PPP1R14C: variants seen among roughly 807,000 people sequenced by gnomAD.
PPP1R14C encodes protein phosphatase 1 regulatory inhibitor subunit 14C, also known as protein phosphatase 1 regulatory subunit 14C.
Under a neutral mutation model 20.4 loss-of-function variants are expected in PPP1R14C, and 16 were observed. That is an observed-to-expected ratio of 0.78 (90% CI 0.53 to 1.19). The LOEUF (loss-of-function observed/expected upper bound fraction) is 1.19. Ranked by LOEUF, PPP1R14C falls within the 50% of genes most tolerant of loss-of-function variation. The probability of loss-of-function intolerance (pLI) is 0.00; values close to 1 mark genes in which losing one functional copy is unlikely to be tolerated. For missense variants in PPP1R14C, 211 were observed against 220.1 expected (o/e 0.96, Z 0.26); for synonymous variants, 91 against 91.0 (o/e 1.00, Z 0.00).
At chr6:150,220,202 C>A (rs1381925359) in intron 3 of PPP1R14C, among the ~76,000 whole-genome samples, 1 of 152,180 alleles carries the variant, frequency 6.6e-6, no homozygotes, top group Non-Finnish European at 1.5e-5. Flanking sequence ...GACCAAGTTG[C>A]AAGCCAGATT....
In PPP1R14C at chr6:150,248,773, A is replaced by G; in HGVS notation, c.451A>G (p.Ile151Val). 2 of 1,613,272 alleles carry G rather than the reference A, an allele frequency of 1.2e-6. No individual in the cohort carries two copies. Among genetic ancestry groups the G allele is most frequent in the Non-Finnish European group, 1.7e-6 (2 of 1,179,272 alleles). The change falls in exon 4 of 4, where the codon ATA becomes GTA. Residue 151 changes from isoleucine (I) to valine (V), a missense_variant. Coordinates refer to ENST00000361131, the MANE Select transcript of PPP1R14C (RefSeq NM_030949.3). ...EEFIKELLSR[I>V]RGMRKLSPPQ... ...ATTTATCAAAGAGCTGCTTTCTCGG[A>G]TAAGAGGCATGAGGAAACTGAGCCC...
At chr6:150,195,301 C>T (rs1777790171) in intron 1 of PPP1R14C, 1 of 364,358 alleles carries the variant, frequency 2.7e-6, no homozygotes. Context: ...AGTTCCTGCC[C>T]TCAAGGAGCT....
At position 150,214,802 on chromosome 6, in the gene PPP1R14C, A is replaced by G; in HGVS notation, c.365A>G (p.Asp122Gly). ...DIDDLLDADS[D>G]EERASKLQEA... Reference sequence around the variant, plus strand: ...GATGATCTTCTTGATGCAGACAGTGATGAAGAGAGAGCTTCAAAATTACAG... The same window carrying G: ...GATGATCTTCTTGATGCAGACAGTGGTGAAGAGAGAGCTTCAAAATTACAG... Residue 122 changes from aspartate to glycine, a missense_variant, in exon 2 of 4, where the codon GAT (aspartate) becomes GGT (glycine). Transcript: ENST00000361131. 2 of 1,612,102 alleles carry G rather than the reference A, an allele frequency of 1.2e-6. No homozygotes were observed. The highest frequency in any genetic ancestry group is 1.7e-6 in the Non-Finnish European group (2 of 1,179,212).
chr6:150,227,705 T>C (rs183071848), intron 3 of PPP1R14C, among the ~76,000 whole-genome samples: 1 of 151,716 alleles, frequency 6.6e-6, no homozygotes, highest in African/African-American at 2.4e-5. Flanking sequence ...CTTTAAAAAG[T>C]TGTCACGTTT....
At chr6:150,200,248 C>T (rs977814889) in intron 1 of PPP1R14C, among the ~76,000 whole-genome samples, 23 of 145,920 alleles carry the variant, frequency 1.6e-4, no homozygotes, top group African/African-American at 5.8e-4. Flanking sequence ...ACACACATAC[C>T]TGTAGGATGT....
intron 1 of PPP1R14C, among the ~76,000 whole-genome samples, chr6:150,149,462 T>C (rs1020538037): frequency 5.9e-5 from 6 of 102,096 alleles, no homozygotes; most frequent in Non-Finnish European, 1.0e-4. Context: ...TTTCTTTTTT[T>C]TTTTTTTTTT....
chr6:150,234,485 C>A (rs571032948), intron 3 of PPP1R14C, among the ~76,000 whole-genome samples: 1 of 152,292 alleles, frequency 6.6e-6, no homozygotes, highest in East Asian at 1.9e-4. Flanking sequence ...GAACCCCAAA[C>A]ATTTATCAGC....
At chr6:150,195,444 C>T (rs1777792343) in intron 1 of PPP1R14C, among the ~76,000 whole-genome samples, 1 of 152,156 alleles carries the variant, frequency 6.6e-6, no homozygotes, top group African/African-American at 2.4e-5. Flanking sequence ...GCCTCCTGGG[C>T]TCAAGCTATC....
chr6:150,180,252 G>A (rs992121805), intron 1 of PPP1R14C, among the ~76,000 whole-genome samples: 3 of 152,202 alleles, frequency 2.0e-5, no homozygotes, highest in Non-Finnish European at 4.4e-5. Context: ...ATGCAGTCAA[G>A]CATTAGCATA....
chr6:150,166,181 T>A (rs986850801), intron 1 of PPP1R14C, among the ~76,000 whole-genome samples: 1 of 151,866 alleles, frequency 6.6e-6, no homozygotes, highest in Non-Finnish European at 1.5e-5. Flanking sequence ...CCCGGATTCA[T>A]GCCATTCTCC....
At chr6:150,196,180 G>A in intron 1 of PPP1R14C, 1 of 935,206 alleles carries the variant, frequency 1.1e-6, no homozygotes, top group Non-Finnish European at 1.3e-6. Context: ...TGTACTGCCT[G>A]GAACAGCCTA....
At chr6:150,193,442 TA>T (rs1477502154) in intron 1 of PPP1R14C, among the ~76,000 whole-genome samples, 1 of 151,782 alleles carries the variant, frequency 6.6e-6, no homozygotes, top group Non-Finnish European at 1.5e-5. Flanking sequence ...TAGATGTCTG[TA>T]TCAGAGTCTG....
At chr6:150,159,890 C>T (rs1342345371) in intron 1 of PPP1R14C, among the ~76,000 whole-genome samples, 1 of 152,140 alleles carries the variant, frequency 6.6e-6, no homozygotes, top group African/African-American at 2.4e-5. Flanking sequence ...TTGCATTTAC[C>T]TGGTATGTCT....
At chr6:150,223,233 A>G (rs1412805202) in intron 3 of PPP1R14C, among the ~76,000 whole-genome samples, 1 of 152,200 alleles carries the variant, frequency 6.6e-6, no homozygotes, top group Non-Finnish European at 1.5e-5. Flanking sequence ...ACCAGAGTTT[A>G]TCCATTCATT....
At chr6:150,234,073 AT>A (rs1243048406) in intron 3 of PPP1R14C, among the ~76,000 whole-genome samples, 3 of 152,072 alleles carry the variant, frequency 2.0e-5, no homozygotes, top group South Asian at 2.1e-4. Flanking sequence ...GGGGGAGTCT[AT>A]TTTTTTTCCC....
intron 1 of PPP1R14C, among the ~76,000 whole-genome samples, chr6:150,176,271 G>A (rs1366061557): frequency 6.6e-6 from 1 of 152,234 alleles, no homozygotes; most frequent in Admixed American, 6.5e-5. Context: ...TCTTCTCAAC[G>A]GGAGTGCCCG....
chr6:150,168,503 A>C (rs536644816), intron 1 of PPP1R14C, among the ~76,000 whole-genome samples: 238 of 150,658 alleles, frequency 1.6e-3, no homozygotes, highest in Non-Finnish European at 2.6e-3. Flanking sequence ...ACTACACTCC[A>C]GCCTGGGCGA....
chr6:150,192,524 A>G (rs1459363194), intron 1 of PPP1R14C, among the ~76,000 whole-genome samples: 2 of 152,076 alleles, frequency 1.3e-5, no homozygotes, highest in Admixed American at 6.5e-5. Context: ...TTCACCTCCT[A>G]CTGTGTGGCC....
chr6:150,234,848 C>CAAAAAAA (rs56139981), intron 3 of PPP1R14C, among the ~76,000 whole-genome samples: 2 of 41,832 alleles, frequency 4.8e-5, no homozygotes, highest in East Asian at 7.9e-4. Flanking sequence ...GACTCTGTCT[C>CAAAAAAA]AAAAAAAAAA....
Sources: allele counts gnomAD v4.1 joint callset (sites outside exome capture counted in the v4.1 genomes callset), GRCh38; gene constraint gnomAD v4.1.1; transcripts MANE v1.5; gene names NCBI Gene and HGNC (gene_info 2026-07-23, HGNC 2026-07-21).